The following PDE4D variants were observed in gnomAD, a reference collection of about 807,000 sequenced individuals.
PDE4D encodes 3',5'-cyclic-AMP phosphodiesterase 4D.
Under a neutral mutation model 87.4 loss-of-function variants are expected in PDE4D, and 24 were observed. The observed-to-expected ratio is 0.27, with a 90% CI of 0.20 to 0.39. PDE4D has a LOEUF of 0.39. PDE4D is among the 10% of genes least tolerant of loss of function. The pLI, the probability that PDE4D is intolerant of heterozygous loss-of-function variation, is 1.00. For missense variants in PDE4D, 714 were observed against 1,041.0 expected, an observed-to-expected ratio of 0.69 and a Z score of 4.32; for synonymous variants, 384 against 383.2, an observed-to-expected ratio of 1.00 and a Z score of -0.02.
intron 1 of PDE4D, among the ~76,000 whole-genome samples, chr5:60,268,138 T>C (rs1241458031): frequency 1.3e-5 from 2 of 152,186 alleles, no homozygotes; most frequent in African/African-American, 2.4e-5. Flanking sequence ...GCCTCATTCC[T>C]GTTACCACCA....
chr5:59,086,177 T>C (rs1001429610), intron 5 of PDE4D, among the ~76,000 whole-genome samples: 2 of 151,988 alleles, frequency 1.3e-5, no homozygotes, highest in African/African-American at 2.4e-5. Context: ...ACCTAAGGAG[T>C]TGGTTTCAGA....
intron 1 of PDE4D, among the ~76,000 whole-genome samples, chr5:59,393,940 A>C (rs1788762657): frequency 6.6e-6 from 1 of 152,244 alleles, no homozygotes; most frequent in Non-Finnish European, 1.5e-5. Context: ...TCTTGAAAAC[A>C]AGTTCATTCT....
intron 1 of PDE4D, among the ~76,000 whole-genome samples, chr5:60,510,249 A>G (rs1272501598): frequency 6.6e-6 from 1 of 152,218 alleles, no homozygotes; most frequent in Non-Finnish European, 1.5e-5. Flanking sequence ...TCAGAGAAAG[A>G]GAACACAGAA....
At chr5:59,018,091 G>A (rs10035212) in intron 6 of PDE4D, among the ~76,000 whole-genome samples, 15,671 of 152,158 alleles carry the variant, frequency 0.1, 1,053 homozygotes, top group Non-Finnish European at 0.13. Flanking sequence ...TGTGTCAGGA[G>A]CTAATAAATT....
chr5:59,440,680 G>A (rs192363517), intron 1 of PDE4D, among the ~76,000 whole-genome samples: 2 of 152,322 alleles, frequency 1.3e-5, no homozygotes, highest in African/African-American at 4.8e-5. Flanking sequence ...GGAGGCTGAG[G>A]CAGGAGAATT....
At chr5:59,343,780 T>C (rs1382961224) in intron 1 of PDE4D, among the ~76,000 whole-genome samples, 1 of 152,186 alleles carries the variant, frequency 6.6e-6, no homozygotes, top group Non-Finnish European at 1.5e-5. Flanking sequence ...GATATTGTAA[T>C]ATACAGTCCA....
chr5:59,973,665 C>T (rs1403523210), intron 3 of PDE4D, among the ~76,000 whole-genome samples: 1 of 152,018 alleles, frequency 6.6e-6, no homozygotes, highest in Admixed American at 6.6e-5. Flanking sequence ...GCAGATAATC[C>T]TCTGAAAATC....
At chr5:59,806,708 G>A (rs995079894) in intron 1 of PDE4D, among the ~76,000 whole-genome samples, 1 of 152,108 alleles carries the variant, frequency 6.6e-6, no homozygotes, top group African/African-American at 2.4e-5. Context: ...AATAGTTACA[G>A]GACTACAGTT....
At chr5:59,200,705 A>C (rs569190304) in intron 2 of PDE4D, among the ~76,000 whole-genome samples, 1 of 110,084 alleles carries the variant, frequency 9.1e-6, no homozygotes, top group Non-Finnish European at 1.8e-5. Context: ...GTATGTATAG[A>C]TACACGTATA....
chr5:59,265,365 T>C (rs1554114783), intron 1 of PDE4D, among the ~76,000 whole-genome samples: 1 of 152,022 alleles, frequency 6.6e-6, no homozygotes, highest in Non-Finnish European at 1.5e-5. Context: ...CCCACCTAGA[T>C]AGCAGTGTGT....
chr5:59,173,844 G>A (rs1249144359), intron 5 of PDE4D, among the ~76,000 whole-genome samples: 2 of 152,052 alleles, frequency 1.3e-5, no homozygotes, highest in African/African-American at 4.8e-5. Flanking sequence ...TATCTCCTGA[G>A]GACTTACATA....
chr5:60,306,118 A>G (rs1196974670), intron 1 of PDE4D, among the ~76,000 whole-genome samples: 1 of 152,120 alleles, frequency 6.6e-6, no homozygotes, highest in African/African-American at 2.4e-5. Flanking sequence ...ACAAGAATGC[A>G]TAAGTATGTG....
chr5:60,484,740 A>G (rs1241958259), intron 1 of PDE4D, among the ~76,000 whole-genome samples: 1 of 152,178 alleles, frequency 6.6e-6, no homozygotes, highest in African/African-American at 2.4e-5. Flanking sequence ...TCTTTGCTTC[A>G]AAAGTTTTGT....
chr5:60,142,493 C>T (rs1404380479), intron 2 of PDE4D, among the ~76,000 whole-genome samples: 3 of 152,172 alleles, frequency 2.0e-5, no homozygotes, highest in Admixed American at 6.5e-5. Flanking sequence ...ACTTTTAACT[C>T]TGTAGTTCAG....
At chr5:60,400,689 T>A (rs1020843106) in intron 1 of PDE4D, among the ~76,000 whole-genome samples, 1 of 152,114 alleles carries the variant, frequency 6.6e-6, no homozygotes, top group African/African-American at 2.4e-5. Flanking sequence ...CCTAGCACTT[T>A]GGGAGGCCGA....
chr5:59,632,182 T>G (rs1432251563), intron 1 of PDE4D, among the ~76,000 whole-genome samples: 1 of 152,214 alleles, frequency 6.6e-6, no homozygotes, highest in East Asian at 1.9e-4. Context: ...GTAGCCAGAC[T>G]GCCTCTCTAG....
intron 5 of PDE4D, among the ~76,000 whole-genome samples, chr5:59,115,238 G>C (rs1236692262): frequency 6.6e-6 from 1 of 152,128 alleles, no homozygotes; most frequent in African/African-American, 2.4e-5. Flanking sequence ...ATGATTTGGG[G>C]TCATCAGTTT....
intron 1 of PDE4D, among the ~76,000 whole-genome samples, chr5:59,587,840 G>C (rs1218575633): frequency 1.3e-5 from 2 of 152,180 alleles, no homozygotes; most frequent in Non-Finnish European, 2.9e-5. Context: ...ACAAGGAGAA[G>C]CCTGTAAAAC....
intron 1 of PDE4D, among the ~76,000 whole-genome samples, chr5:59,708,905 CTT>C (rs1163498058): frequency 2.9e-4 from 39 of 135,208 alleles, no homozygotes; most frequent in Admixed American, 3.0e-4. Context: ...TCTCATCTGG[CTT>C]TTTTTTTTTT....
Sources: gnomAD v4.1 joint callset for allele counts (sites outside exome capture counted in the v4.1 genomes callset) on GRCh38, gnomAD v4.1.1 for gene constraint, MANE v1.5 for transcripts, NCBI Gene and HGNC (gene_info 2026-07-23, HGNC 2026-07-21) for gene names.